Variants in ATL2 observed in about 807,000 individuals in gnomAD.
ATL2 encodes atlastin-2.
Under a neutral mutation model 73.9 loss-of-function variants are expected in ATL2, and 31 were observed. The observed-to-expected ratio is 0.42, with a 90% CI of 0.32 to 0.57. ATL2 has a LOEUF of 0.57. Among genes scored for constraint, ATL2 ranks in the 20% least tolerant of loss-of-function variants. ATL2 has a pLI of 0.14. For missense variants in ATL2, 738 were observed against 702.6 expected (o/e 1.05, Z -0.57); for synonymous variants, 291 against 237.5 (o/e 1.23, Z -2.07).
chr2:38,306,141 T>C (rs1207522749), intron 9 of ATL2, among the ~76,000 whole-genome samples: 24 of 152,092 alleles, frequency 1.6e-4, no homozygotes. Context: ...TGGGAAAGCC[T>C]AGAAGAAATG....
intron 12 of ATL2, chr2:38,296,694 G>A (rs1242208123): frequency 6.4e-7 from 1 of 1,557,510 alleles, no homozygotes; most frequent in Non-Finnish European, 8.7e-7. Flanking sequence ...ACCTTCCTGG[G>A]ACTCCTCTGA....
chr2:38,299,182 A>AATTTTTT, intron 11 of ATL2, 74 bp downstream of exon 11: 1 of 1,344,736 alleles, frequency 7.4e-7, no homozygotes, highest in Non-Finnish European at 9.7e-7. Flanking sequence ...TATTTAAAAA[A>AATTTTTT]TTTTTTTAAT....
intron 2 of ATL2, among the ~76,000 whole-genome samples, chr2:38,329,232 GC>G (rs1318174538): frequency 1.3e-5 from 2 of 150,242 alleles, no homozygotes; most frequent in African/African-American, 4.9e-5. Context: ...TTCAAGACCA[GC>G]CTGGCCAACA....
intron 2 of ATL2, 67 bp downstream of exon 2, chr2:38,343,196 TGTCTA>T: frequency 9.1e-7 from 1 of 1,100,868 alleles, no homozygotes; most frequent in Non-Finnish European, 1.3e-6. Flanking sequence ...TTCTGGTTTT[TGTCTA>T]TTTTTTTAAC....
intron 7 of ATL2, among the ~76,000 whole-genome samples, chr2:38,311,171 C>G (rs1448503406): frequency 6.6e-6 from 1 of 151,318 alleles, no homozygotes; most frequent in Non-Finnish European, 1.5e-5. Flanking sequence ...AGCCCCTGAA[C>G]AAAGTAAAAG....
chr2:38,377,691 C>T (rs1050918744), upstream of ATL2, among the ~76,000 whole-genome samples: 1 of 152,170 alleles, frequency 6.6e-6, no homozygotes, highest in East Asian at 1.9e-4. Context: ...ATTCGTGCGT[C>T]CTGCACGTGA....
chr2:38,348,181 G>A (rs549058647), intron 1 of ATL2, among the ~76,000 whole-genome samples: 1 of 152,106 alleles, frequency 6.6e-6, no homozygotes, highest in African/African-American at 2.4e-5. Context: ...AAATTATGAA[G>A]CTTGGCTAGG....
chr2:38,301,728 T>G (rs1054701700), intron 9 of ATL2, among the ~76,000 whole-genome samples: 1 of 152,238 alleles, frequency 6.6e-6, no homozygotes. Context: ...TCTGAGGTCC[T>G]GAATAAACTT....
chr2:38,348,857 G>A (rs1412739275), intron 1 of ATL2, among the ~76,000 whole-genome samples: 4 of 152,074 alleles, frequency 2.6e-5, no homozygotes, highest in African/African-American at 9.7e-5. Context: ...CAAAAAGTGG[G>A]CAAAGGATAT....
chr2:38,361,701 T>C (rs1671026361), intron 1 of ATL2, among the ~76,000 whole-genome samples: 1 of 152,214 alleles, frequency 6.6e-6, no homozygotes. Context: ...AAGTTTGAAA[T>C]ACATTACAAT....
chr2:38,363,986 G>A (rs779344532), intron 1 of ATL2, among the ~76,000 whole-genome samples: 11 of 152,282 alleles, frequency 7.2e-5, no homozygotes, highest in South Asian at 4.1e-4. Context: ...AGTCTAGGCC[G>A]GGCACAGTGG....
At chr2:38,323,977 G>A (rs1668464400) in intron 2 of ATL2, among the ~76,000 whole-genome samples, 1 of 152,204 alleles carries the variant, frequency 6.6e-6, no homozygotes, top group African/African-American at 2.4e-5. Flanking sequence ...TAAAAAGAAT[G>A]AAATTAAGAT....
At chr2:38,340,409 T>C (rs921372940) in intron 2 of ATL2, among the ~76,000 whole-genome samples, 5 of 149,972 alleles carry the variant, frequency 3.3e-5, no homozygotes, top group African/African-American at 1.2e-4. Flanking sequence ...GAATTAGAAG[T>C]GGGGGGGGCA....
At chr2:38,334,750 T>C (rs532517385) in intron 2 of ATL2, among the ~76,000 whole-genome samples, 64 of 150,228 alleles carry the variant, frequency 4.3e-4, no homozygotes, top group African/African-American at 1.5e-3. Flanking sequence ...GCTTCTCACA[T>C]TGGCAAAAAT....
chr2:38,327,662 G>C (rs891864352), intron 2 of ATL2, among the ~76,000 whole-genome samples: 10 of 152,066 alleles, frequency 6.6e-5, no homozygotes, highest in African/African-American at 1.7e-4. Flanking sequence ...CTGTTGGCCG[G>C]GCACAGTGCA....
chr2:38,319,187 G>A (rs912303794), intron 2 of ATL2, among the ~76,000 whole-genome samples, 168 bp from the exon 3 acceptor site: 6 of 152,154 alleles, frequency 3.9e-5, no homozygotes, highest in Admixed American at 3.3e-4. Flanking sequence ...TCCCATGTGG[G>A]GTTCTTTTTC....
At position 38,352,739 on chromosome 2, in the gene ATL2, G is replaced by C. The variant is rs140055183; in HGVS notation, c.119-9227C>G. The stretch of plus-strand genomic sequence containing the variant: ...ACATCTATACCTTAGGCATCAAGCT[G>C]AGACACTAGAATCGACATATCTTAG... On this transcript the variant is annotated intron_variant, in intron 1 of 12. Coordinates refer to ENST00000378954, the MANE Select transcript of ATL2 (RefSeq NM_001135673.4). Among the ~76,000 whole-genome samples the C allele has an allele frequency of 9.1e-4, 138 of 152,300 alleles. 1 individual carries two copies. Among genetic ancestry groups the C allele is most frequent in the African/African-American group, 3.2e-3 (135 of 41,568 alleles).
chr2:38,316,997 A>G (rs558807634), intron 4 of ATL2, among the ~76,000 whole-genome samples: 3 of 152,254 alleles, frequency 2.0e-5, no homozygotes, highest in East Asian at 1.9e-4. Flanking sequence ...TCCCAACCCT[A>G]TAATAAACTG....
At chr2:38,343,174 AAAAAG>A in intron 2 of ATL2, 89 bp downstream of exon 2, 1 of 759,762 alleles carries the variant, frequency 1.3e-6, no homozygotes, top group Non-Finnish European at 1.8e-6. Context: ...AAAAAAAAAA[AAAAAG>A]ATATAGTTCT....
Sources: gnomAD v4.1 joint callset for allele counts (sites outside exome capture counted in the v4.1 genomes callset) on GRCh38, gnomAD v4.1.1 for gene constraint, MANE v1.5 for transcripts, NCBI Gene and HGNC (gene_info 2026-07-23, HGNC 2026-07-21) for gene names.